CYB5R3: variants seen among roughly 807,000 people sequenced by gnomAD.
CYB5R3 encodes NADH-cytochrome b5 reductase 3.
A neutral mutation model predicts 36.5 loss-of-function variants in CYB5R3; 28 were observed. The observed-to-expected ratio is 0.77, with a 90% confidence interval of 0.57 to 1.05. CYB5R3 has a LOEUF of 1.05. Among genes scored for constraint, CYB5R3 ranks in the 50% least tolerant of loss-of-function variants. The pLI is 0.00. For missense variants in CYB5R3, 474 were observed against 408.9 expected (o/e 1.16, Z -1.37); for synonymous variants, 181 against 159.8 (o/e 1.13, Z -1.00).
intron 1 of CYB5R3, 108 bp downstream of exon 1, chr22:42,649,187 G>T: frequency 2.5e-6 from 1 of 405,758 alleles, no homozygotes; most frequent in Non-Finnish European, 3.5e-6. Context: ...GGTGCGGCCG[G>T]GTGCGGCCCG....
Position 42,631,464 on chromosome 22 carries a change from C to T in CYB5R3, c.154-14G>A. 5.2e-6 allele frequency: 8 copies of T among 1,551,526 alleles called. No individual in the cohort carries two copies. The highest frequency in any genetic ancestry group is 2.0e-5 in the Admixed American group (1 of 50,996). On this transcript the variant is annotated splice_polypyrimidine_tract_variant and intron_variant, in intron 2 of 8. Coordinates refer to ENST00000352397, the MANE Select transcript of CYB5R3 (RefSeq NM_000398.7). ...ATGGCTGATGATCTGGAGAGAGGCCCAAAGCTGCTGAACGGTCCCCAGGGC... is the reference window on the plus strand; with the variant it reads ...ATGGCTGATGATCTGGAGAGAGGCCTAAAGCTGCTGAACGGTCCCCAGGGC...
In CYB5R3 at chr22:42,619,617, G is replaced by T; in HGVS notation, c.*156C>A. 1.4e-6 allele frequency: 1 copy of T among 697,106 alleles called. No individual in the cohort carries two copies. The highest frequency in any genetic ancestry group is 2.4e-6 in the Non-Finnish European group (1 of 416,440). 43.2% of individuals were successfully genotyped at this position (697,106 alleles called of 1,614,324 possible). On this transcript the variant is annotated 3_prime_UTR_variant, in exon 9 of 9. Transcript: ENST00000352397. ...TGGGACACAGCCCTGCTCCCGAAGG[G>T]GCTCCAGGGGAACTGCTCAGCCAGG...
chr22:42,643,828 C>A (rs968971910), intron 1 of CYB5R3, among the ~76,000 whole-genome samples: 1 of 152,136 alleles, frequency 6.6e-6, no homozygotes, highest in Non-Finnish European at 1.5e-5. Context: ...TTCACTTCCC[C>A]GGGCCCTACC....
intron 7 of CYB5R3, among the ~76,000 whole-genome samples, chr22:42,625,781 G>C (rs1180189995): frequency 6.6e-6 from 1 of 152,112 alleles, no homozygotes; most frequent in Non-Finnish European, 1.5e-5. Context: ...CTGGGGTTGG[G>C]ACCCTGGAGA....
intron 5 of CYB5R3, 97 bp downstream of exon 5, chr22:42,628,055 C>T: frequency 6.5e-7 from 1 of 1,536,630 alleles, no homozygotes; most frequent in Non-Finnish European, 9.0e-7. Flanking sequence ...GTCACCCATC[C>T]ACACAGAGCC....
chr22:42,623,781 T>C lies in CYB5R3; in HGVS notation c.733+8A>G. ...CCACCCACCCAGTGAGGGGCCTCCC[T>C]CACTCACCTTCAGGGGCTCTGTCCA... is the stretch of plus-strand genomic sequence containing the variant. On this transcript the variant is annotated splice_region_variant and intron_variant, in intron 8 of 8. Transcript: ENST00000352397. The C allele has an allele frequency of 6.2e-7, 1 of 1,613,088 alleles. No homozygotes were observed. The highest frequency in any genetic ancestry group is 8.5e-7 in the Non-Finnish European group (1 of 1,179,066).
At chr22:42,636,584 C>G (rs533864610) in intron 2 of CYB5R3, 131 bp downstream of exon 2, 30 of 1,421,976 alleles carry the variant, frequency 2.1e-5, no homozygotes, top group African/African-American at 1.8e-4. Flanking sequence ...AGAGACATCA[C>G]CTTGCTTTCT....
intron 1 of CYB5R3, among the ~76,000 whole-genome samples, chr22:42,648,706 T>C (rs915622234): frequency 6.6e-5 from 10 of 152,140 alleles, no homozygotes; most frequent in Non-Finnish European, 1.5e-5. Context: ...CCACTGAGCA[T>C]TGGGAGGATG....
intron 1 of CYB5R3, among the ~76,000 whole-genome samples, chr22:42,642,846 G>A (rs1929350925): frequency 6.6e-6 from 1 of 152,232 alleles, no homozygotes; most frequent in African/African-American, 2.4e-5. Flanking sequence ...TCTCAAGAAA[G>A]CTGTTTCAGA....
chr22:42,647,055 C>A, intron 1 of CYB5R3: 1 of 845,474 alleles, frequency 1.2e-6, no homozygotes. Context: ...TCCCATGGGG[C>A]CTGCATGTCT....
At chr22:42,622,534 A>AC (rs1363319106) in intron 8 of CYB5R3, among the ~76,000 whole-genome samples, 3 of 150,280 alleles carry the variant, frequency 2.0e-5, no homozygotes, top group Non-Finnish European at 4.4e-5. Flanking sequence ...CACATCCACC[A>AC]CCCCCTCCAG....
At chr22:42,639,911 C>G in intron 1 of CYB5R3, 1 of 1,525,094 alleles carries the variant, frequency 6.6e-7, no homozygotes, top group Non-Finnish European at 8.8e-7. Context: ...CACACCTGGT[C>G]CAACAACACT....
chr22:42,627,128 C>T (rs1928309972), intron 7 of CYB5R3, among the ~76,000 whole-genome samples, 176 bp downstream of exon 7: 1 of 152,198 alleles, frequency 6.6e-6, no homozygotes, highest in Non-Finnish European at 1.5e-5. Flanking sequence ...CACCACAAAG[C>T]CTGCCCGCCG....
chr22:42,644,415 T>A, intron 1 of CYB5R3: 1 of 724,458 alleles, frequency 1.4e-6, no homozygotes, highest in South Asian at 1.5e-5. Context: ...TCTTTCAACA[T>A]CAAGCCCATC....
At chr22:42,640,431 T>G in intron 1 of CYB5R3, 1 of 489,818 alleles carries the variant, frequency 2.0e-6, no homozygotes, top group Non-Finnish European at 3.0e-6. Flanking sequence ...CAGGCTGGAG[T>G]ACAGTGGTGT....
Position 42,619,678 on chromosome 22 carries a change from C to T in CYB5R3, c.*95G>A, listed in dbSNP as rs539698786. On this transcript the variant is annotated 3_prime_UTR_variant, in exon 9 of 9. Transcript: ENST00000352397. ...GGGCACGGGCAGGCCAGGCTGAACCCGGGGCCCCAGTGTGCGATGTGGGGA... is the reference window on the plus strand; with the variant it reads ...GGGCACGGGCAGGCCAGGCTGAACCTGGGGCCCCAGTGTGCGATGTGGGGA... 4.5e-5 allele frequency: 60 copies of T among 1,334,728 alleles called. No homozygotes were observed. Among genetic ancestry groups the T allele is most frequent in the Middle Eastern group, 2.5e-4 (1 of 3,982 alleles). The allele number at this position is 1,334,728 out of a possible 1,614,324, so 82.7% of individuals were successfully genotyped here. A position where few individuals can be genotyped will look rare whatever the true frequency, so the allele number is the denominator to read the frequency against.
At chr22:42,646,969 C>T (rs1227588108) in intron 1 of CYB5R3, 1 of 985,388 alleles carries the variant, frequency 1.0e-6, no homozygotes, top group Non-Finnish European at 1.2e-6. Flanking sequence ...GACCAAGCTC[C>T]AATGTTTTCC....
chr22:42,646,699 G>T, intron 1 of CYB5R3: 12 of 985,694 alleles, frequency 1.2e-5, no homozygotes, highest in Non-Finnish European at 1.4e-5. Context: ...CTCCCTCCTG[G>T]TCCTGTTCTA....
chr22:42,644,477 C>T, intron 1 of CYB5R3: 1 of 977,530 alleles, frequency 1.0e-6, no homozygotes. Context: ...TGTCCTTGCT[C>T]TGCATGCATC....
Sources: allele counts gnomAD v4.1 joint callset (sites outside exome capture counted in the v4.1 genomes callset), GRCh38; gene constraint gnomAD v4.1.1; transcripts MANE v1.5; gene names NCBI Gene and HGNC (gene_info 2026-07-23, HGNC 2026-07-21).